Variants in YAP1 observed in about 807,000 individuals in gnomAD.
The protein encoded by YAP1 is Yes1 associated transcriptional regulator.
A neutral mutation model predicts 56.9 loss-of-function variants in YAP1; 5 were observed. The ratio of observed to expected loss-of-function variants is 0.09; its 90% CI spans 0.05 to 0.18. The LOEUF is 0.18. YAP1 is among the 10% of genes least tolerant of loss of function. YAP1 has a pLI of 1.00. For missense variants in YAP1, 539 were observed against 651.8 expected (o/e 0.83, Z 1.88); for synonymous variants, 265 against 248.1 (o/e 1.07, Z -0.64).
chr11:102,186,396 C>G, intron 4 of YAP1: 1 of 336,288 alleles, frequency 3.0e-6, no homozygotes, highest in Non-Finnish European at 5.5e-6. Context: ...TTGTTCCTTT[C>G]ACATTTTGGG....
At chr11:102,111,804 C>A (rs1257981891) in intron 1 of YAP1, among the ~76,000 whole-genome samples, 1 of 152,062 alleles carries the variant, frequency 6.6e-6, no homozygotes, top group African/African-American at 2.4e-5. Context: ...TAGTTTTTTG[C>A]TCTTTCTTTC....
intron 2 of YAP1, among the ~76,000 whole-genome samples, chr11:102,155,569 G>A (rs1308728122): frequency 6.6e-6 from 1 of 152,202 alleles, no homozygotes; most frequent in East Asian, 1.9e-4. Context: ...AGTGGGTGGT[G>A]TCAGCAGTTT....
chr11:102,147,823 C>A (rs1004659688), intron 2 of YAP1, among the ~76,000 whole-genome samples: 2 of 152,198 alleles, frequency 1.3e-5, no homozygotes, highest in African/African-American at 4.8e-5. Flanking sequence ...CTAAACATTT[C>A]GTAACCATGT....
chr11:102,207,458 G>A (rs943924610), intron 5 of YAP1, among the ~76,000 whole-genome samples: 5 of 151,994 alleles, frequency 3.3e-5, no homozygotes, highest in East Asian at 1.9e-4. Flanking sequence ...TTGGGAGGCC[G>A]AGGCAGGAGG....
chr11:102,165,908 A>G (rs1287075564), intron 3 of YAP1, among the ~76,000 whole-genome samples: 1 of 152,172 alleles, frequency 6.6e-6, no homozygotes. Context: ...GCTTCTCCAG[A>G]AGGTGATGGG....
intron 4 of YAP1, chr11:102,186,813 A>ATTGTGTGTGTGTGTGTGT: frequency 2.1e-5 from 1 of 47,178 alleles, no homozygotes; most frequent in East Asian, 8.3e-4. Context: ...CTTTTTAAAA[A>ATTGTGTGTGTGTGTGTGT]ATGTGTGTGT....
intron 6 of YAP1, among the ~76,000 whole-genome samples, chr11:102,218,275 G>A (rs1949757207): frequency 6.6e-6 from 1 of 152,134 alleles, no homozygotes; most frequent in Non-Finnish European, 1.5e-5. Flanking sequence ...GTTCCAGCAA[G>A]TCCCTTATAT....
rs1950462940 is a variant in YAP1 at position 102,232,376 on chromosome 11, A to G, written c.*2436A>G. On this transcript the variant is annotated 3_prime_UTR_variant, in exon 9 of 9. Transcript: ENST00000282441. Reference sequence around the variant, plus strand: ...CTTGTCTTACACCGTGCTGCCATTAAAGGCAGCTGTTCTAGAGTTTCAGTC... The same window carrying G: ...CTTGTCTTACACCGTGCTGCCATTAGAGGCAGCTGTTCTAGAGTTTCAGTC... The G allele has an allele frequency of 6.6e-6, 1 of 152,158 alleles. No individual in the cohort carries two copies. Among genetic ancestry groups the G allele is most frequent in the Admixed American group, 6.5e-5 (1 of 15,272 alleles). The allele number at this position is 152,158 out of a possible 1,614,324, so 9.4% of individuals were successfully genotyped here.
At chr11:102,171,550 T>C (rs1946900193) in intron 3 of YAP1, among the ~76,000 whole-genome samples, 3 of 152,336 alleles carry the variant, frequency 2.0e-5, no homozygotes, top group Admixed American at 1.3e-4. Flanking sequence ...GGCAAAACTT[T>C]ACAGAAAGCT....
At chr11:102,115,133 G>T (rs964836959) in intron 2 of YAP1, among the ~76,000 whole-genome samples, 1 of 152,104 alleles carries the variant, frequency 6.6e-6, no homozygotes, top group Non-Finnish European at 1.5e-5. Flanking sequence ...AGGCTGAAAA[G>T]ACATAAATAG....
intron 6 of YAP1, among the ~76,000 whole-genome samples, chr11:102,217,453 A>G (rs1949719723): frequency 6.6e-6 from 1 of 152,226 alleles, no homozygotes; most frequent in Admixed American, 6.5e-5. Context: ...AGATGAATAA[A>G]CAAATGTAAT....
chr11:102,226,260 CT>C (rs1459152289), intron 7 of YAP1, among the ~76,000 whole-genome samples: 1 of 152,112 alleles, frequency 6.6e-6, no homozygotes, highest in African/African-American at 2.4e-5. Flanking sequence ...CTGTGTGAGG[CT>C]TTTGAGCCTT....
intron 2 of YAP1, among the ~76,000 whole-genome samples, chr11:102,126,457 T>C (rs936769075): frequency 6.6e-6 from 1 of 151,574 alleles, no homozygotes; most frequent in Non-Finnish European, 1.5e-5. Context: ...ATAAGTCTCA[T>C]GAGATCTAAT....
intron 2 of YAP1, among the ~76,000 whole-genome samples, chr11:102,121,979 G>A (rs1392318924): frequency 1.3e-5 from 2 of 151,942 alleles, no homozygotes; most frequent in African/African-American, 4.8e-5. Context: ...TAAATTTTTT[G>A]TAGAGACCAG....
intron 4 of YAP1, among the ~76,000 whole-genome samples, chr11:102,203,282 G>C (rs1948966715): frequency 6.6e-6 from 1 of 152,196 alleles, no homozygotes; most frequent in African/African-American, 2.4e-5. Context: ...CTTGGATTAT[G>C]AATCAAATAC....
At position 102,233,049 on chromosome 11, in the gene YAP1, T is replaced by C. The variant is rs1950482325; in HGVS notation, c.*3109T>C. 1 of 152,206 alleles carries C rather than the reference T, an allele frequency of 6.6e-6. No individual in the cohort carries two copies. Among genetic ancestry groups the C allele is most frequent in the Non-Finnish European group, 1.5e-5 (1 of 68,030 alleles). 9.4% of individuals were successfully genotyped at this position (152,206 alleles called of 1,614,324 possible). ...ACCAATCAGTGTTGAAACTCAAACA[T>C]TGCAAAAGTGGGTGGCAATATTCAG... On this transcript the variant is annotated 3_prime_UTR_variant, in exon 9 of 9. Transcript: ENST00000282441.
intron 3 of YAP1, among the ~76,000 whole-genome samples, chr11:102,173,893 G>A (rs1358475100): frequency 6.6e-6 from 1 of 152,158 alleles, no homozygotes; most frequent in East Asian, 1.9e-4. Flanking sequence ...TGAGTTAATG[G>A]TACCTCTAGA....
intron 2 of YAP1, among the ~76,000 whole-genome samples, chr11:102,154,625 CTT>C (rs1721026164): frequency 6.6e-6 from 1 of 152,122 alleles, no homozygotes; most frequent in South Asian, 2.1e-4. Flanking sequence ...TCCCACCACT[CTT>C]TTGCCACATA....
At chr11:102,174,740 T>A (rs1947134252) in intron 3 of YAP1, among the ~76,000 whole-genome samples, 1 of 152,132 alleles carries the variant, frequency 6.6e-6, no homozygotes, top group East Asian at 1.9e-4. Flanking sequence ...GTCCTAGGGA[T>A]ACAAAGACAA....
Sources: gnomAD v4.1 joint callset for allele counts (sites outside exome capture counted in the v4.1 genomes callset) on GRCh38, gnomAD v4.1.1 for gene constraint, MANE v1.5 for transcripts, NCBI Gene and HGNC (gene_info 2026-07-23, HGNC 2026-07-21) for gene names.